The following RECK variants were observed in gnomAD, a reference collection of about 807,000 sequenced individuals.
RECK encodes the protein reversion inducing cysteine rich protein with kazal motifs.
A neutral mutation model predicts 115.1 loss-of-function variants in RECK; 69 were observed. The observed-to-expected ratio is 0.60, with a 90% CI of 0.49 to 0.73. The LOEUF is 0.73. Among genes scored for constraint, RECK ranks in the 30% least tolerant of loss-of-function variants. RECK has a pLI of 0.00. For synonymous variants in RECK, 414 were observed against 419.7 expected (o/e 0.99, Z 0.17); for missense variants, 1,047 against 1,203.7 (o/e 0.87, Z 1.93).
rs372472777 is a variant in RECK, at chr9:36,106,392, G to A, written c.1576+1109G>A. On this transcript the variant is annotated intron_variant, in intron 13 of 20. Transcript: ENST00000377966. ...TGGGATTACAGGCACCCACCACCAT[G>A]CCCAGCTAATTTTTGCATTTTTAGT... Among the ~76,000 whole-genome samples, 9 of 151,456 alleles carry A rather than the reference G, an allele frequency of 5.9e-5. No individual in the cohort carries two copies. In the East Asian group the frequency reaches 1.6e-3, roughly 27 times the overall value.
intron 2 of RECK, among the ~76,000 whole-genome samples, chr9:36,054,302 A>C (rs776145173): frequency 1.2e-4 from 18 of 152,274 alleles, no homozygotes; most frequent in Non-Finnish European, 1.9e-4. Context: ...GAGCTGTTGA[A>C]TTATCAGTGA....
chr9:36,099,743 C>G (rs1052772238), intron 10 of RECK, among the ~76,000 whole-genome samples: 1 of 152,110 alleles, frequency 6.6e-6, no homozygotes, highest in Non-Finnish European at 1.5e-5. Flanking sequence ...CCTTGGCCTC[C>G]CAAAGTGCTA....
rs1824525683 is a variant in RECK at position 36,123,141 on chromosome 9, G to T, written c.*96G>T. The T allele has an allele frequency of 3.2e-6, 3 of 936,738 alleles. No homozygotes were observed. In the Admixed American group the frequency reaches 7.7e-5, roughly 24 times the overall value. The allele number at this position is 936,738 out of a possible 1,614,324, so 58.0% of individuals were successfully genotyped here. ...GGTTTGTAGTTGAATATTGGCCAAG[G>T]AAAGGCACATGTCACCTCTATTCGC... On this transcript the variant is annotated 3_prime_UTR_variant, in exon 21 of 21. Transcript: ENST00000377966.
At chr9:36,095,442 G>T (rs1823298405) in intron 10 of RECK, among the ~76,000 whole-genome samples, 1 of 152,128 alleles carries the variant, frequency 6.6e-6, no homozygotes, top group African/African-American at 2.4e-5. Flanking sequence ...AATTTTTCAG[G>T]AAGCAGATAA....
chr9:36,096,580 C>CTT (rs2132644923), intron 10 of RECK, among the ~76,000 whole-genome samples: 1 of 152,078 alleles, frequency 6.6e-6, no homozygotes, highest in East Asian at 1.9e-4. Context: ...ATAGAAACAT[C>CTT]TTTTCAACAA....
intron 15 of RECK, among the ~76,000 whole-genome samples, chr9:36,110,652 A>G (rs1325988495): frequency 6.6e-6 from 1 of 152,208 alleles, no homozygotes; most frequent in Non-Finnish European, 1.5e-5. Context: ...GTCTGCTGGT[A>G]TATCTTGGTA....
Position 36,065,562 on chromosome 9 carries a change from T to A in RECK, c.358-15T>A. ...CATGTATAATAAATTAATGGAGAAA[T>A]TTGTTGGTTTTTAGGCATCTTCAAA... On this transcript the variant is annotated splice_polypyrimidine_tract_variant and intron_variant, in intron 5 of 20. Coordinates refer to ENST00000377966, the MANE Select transcript of RECK (RefSeq NM_021111.3). 1 of 1,575,286 alleles carries A rather than the reference T, an allele frequency of 6.3e-7. No individual in the cohort carries two copies. The highest frequency in any genetic ancestry group is 8.6e-7 in the Non-Finnish European group (1 of 1,163,116).
At chr9:36,060,244 T>C in intron 4 of RECK, 89 bp downstream of exon 4, 1 of 1,320,192 alleles carries the variant, frequency 7.6e-7, no homozygotes, top group Non-Finnish European at 1.1e-6. Context: ...GGAACCTAAT[T>C]TATACTCTGG....
chr9:36,091,269 C>G lies in RECK; in HGVS notation c.1011C>G (p.Thr337=), dbSNP rs1823146476. 2 of 1,612,812 alleles carry G rather than the reference C, an allele frequency of 1.2e-6. No individual in the cohort carries two copies. Among genetic ancestry groups the G allele is most frequent in the South Asian group, 2.2e-5 (2 of 90,880 alleles). The change falls in exon 10 of 21, where the codon ACC becomes ACG. Residue 337 remains threonine, a synonymous_variant. Coordinates refer to ENST00000377966, the MANE Select transcript of RECK (RefSeq NM_021111.3). ...ATCCAGTGGAAGTGTCCATGTTGACCTGTTTAGCGGATGTCCGGGAACCTT... is the reference window on the plus strand; with the variant it reads ...ATCCAGTGGAAGTGTCCATGTTGACGTGTTTAGCGGATGTCCGGGAACCTT... ...EYNPVEVSML[T]CLADVREPCQ... is the part of the protein sequence containing the mutation.
chr9:36,118,959 T>C lies in RECK; in HGVS notation c.2456T>C (p.Ile819Thr). The change falls in exon 18 of 21, where the codon ATC becomes ACC. Residue 819 changes from isoleucine (I) to threonine (T), a missense_variant. Transcript: ENST00000377966. ...TTGGCAGCTGGATGCAAACCCATCA[T>C]CCCACCGGGTAGGCTGGCAGTATCG... The part of the protein sequence containing the change: ...SLLAAGCKPI[I>T]PPGACCPLCA... The C allele has an allele frequency of 6.2e-7, 1 of 1,612,154 alleles. No individual in the cohort carries two copies. Among genetic ancestry groups the C allele is most frequent in the Non-Finnish European group, 8.5e-7 (1 of 1,179,758 alleles).
rs1174681463 is a variant in RECK at position 36,116,255 on chromosome 9, A to C, written c.2061-730A>C. On this transcript the variant is annotated intron_variant, in intron 16 of 20. Transcript: ENST00000377966. ...GCGATTATCCTGCCTCAGCCTCCTG[A>C]GTAGCTGGGATTACAGGCATGCGCC... is the stretch of plus-strand genomic sequence containing the variant. 2.0e-5 allele frequency among the ~76,000 whole-genome samples: 3 copies of C among 151,144 alleles called. No homozygotes were observed. In the Admixed American group the frequency reaches 2.0e-4, roughly 10 times the overall value.
intron 1 of RECK, among the ~76,000 whole-genome samples, chr9:36,048,827 G>C (rs539942239): frequency 6.6e-6 from 1 of 152,116 alleles, no homozygotes; most frequent in Admixed American, 6.5e-5. Flanking sequence ...ATGTAATTCA[G>C]TTCTGCCACC....
chr9:36,058,276 G>A (rs1821611871), intron 2 of RECK, among the ~76,000 whole-genome samples: 1 of 151,474 alleles, frequency 6.6e-6, no homozygotes, highest in African/African-American at 2.4e-5. Flanking sequence ...TGACAGACTG[G>A]ATTAAGAAAA....
rs747289438 is a variant in RECK, at chr9:36,087,895, C to T, written c.839C>T (p.Pro280Leu). Residue 280 changes from proline (P) to leucine (L), a missense_variant, in exon 9 of 21, where the codon CCT becomes CTT. Transcript: ENST00000377966. ...SVHPGVTVHP[P>L]PSTGLDGAKL... ...CACCCTGGAGTCACTGTACACCCTC[C>T]TCCCTCTACAGGCCTCGATGGGGCT... 1.9e-6 allele frequency: 3 copies of T among 1,613,382 alleles called. No homozygotes were observed. Among genetic ancestry groups the T allele is most frequent in the African/African-American group, 1.3e-5 (1 of 75,024 alleles).
At chr9:36,042,531 A>G (rs577335746) in intron 1 of RECK, among the ~76,000 whole-genome samples, 1 of 151,200 alleles carries the variant, frequency 6.6e-6, no homozygotes, top group South Asian at 2.1e-4. Context: ...TGCAATTGCT[A>G]ATTGTGCTGC....
chr9:36,037,697 G>C (rs1450336586), intron 1 of RECK, among the ~76,000 whole-genome samples: 1 of 151,916 alleles, frequency 6.6e-6, no homozygotes, highest in Non-Finnish European at 1.5e-5. Flanking sequence ...AAACTGTTAA[G>C]TGCTTATTGA....
intron 6 of RECK, among the ~76,000 whole-genome samples, chr9:36,079,922 A>T (rs1046024421): frequency 3.3e-5 from 5 of 152,146 alleles, no homozygotes; most frequent in Non-Finnish European, 4.4e-5. Context: ...AGCACTCTAG[A>T]GACACTAATT....
intron 6 of RECK, among the ~76,000 whole-genome samples, chr9:36,073,106 A>G (rs1822299472): frequency 6.6e-6 from 1 of 151,854 alleles, no homozygotes; most frequent in Non-Finnish European, 1.5e-5. Context: ...TTCCCTTGGA[A>G]CAACAAACAA....
rs1824532913 is a variant in RECK at position 36,123,364 on chromosome 9, C to T, written c.*319C>T. 1 of 241,838 alleles carries T rather than the reference C, an allele frequency of 4.1e-6. No homozygotes were observed. The highest frequency in any genetic ancestry group is 2.3e-5 in the African/African-American group (1 of 44,212). 15.0% of individuals were successfully genotyped at this position (241,838 alleles called of 1,614,324 possible). On this transcript the variant is annotated 3_prime_UTR_variant, in exon 21 of 21. Transcript: ENST00000377966. ...AATTTATCGCTGGGAAATGAGATGA[C>T]CACTTTTTAGAAAGATAATTCACTG...
Sources: allele counts gnomAD v4.1 joint callset (sites outside exome capture counted in the v4.1 genomes callset), GRCh38; gene constraint gnomAD v4.1.1; transcripts MANE v1.5; gene names NCBI Gene and HGNC (gene_info 2026-07-23, HGNC 2026-07-21).